NAV2: variants seen among roughly 807,000 people sequenced by gnomAD.
NAV2 encodes neuron navigator 2.
In NAV2, 54 loss-of-function variants were observed where a neutral mutation model predicts 223.2. That is an observed-to-expected ratio of 0.24 (90% CI 0.19 to 0.30). The LOEUF is 0.30. Ranked by LOEUF, NAV2 falls within the 10% of genes least tolerant of loss-of-function variation. The pLI is 1.00. For missense variants in NAV2, 2,806 were observed against 3,147.5 expected, an observed-to-expected ratio of 0.89 and a Z score of 2.60; for synonymous variants, 1,279 against 1,239.3, an observed-to-expected ratio of 1.03 and a Z score of -0.67.
chr11:19,621,376 G>C (rs772818161), intron 1 of NAV2, among the ~76,000 whole-genome samples: 1 of 152,138 alleles, frequency 6.6e-6, no homozygotes, highest in African/African-American at 2.4e-5. Context: ...CTGTGAATCC[G>C]TCTGGTCCTG....
chr11:19,638,101 T>C (rs148275255), intron 1 of NAV2, among the ~76,000 whole-genome samples: 371 of 152,336 alleles, frequency 2.4e-3, no homozygotes, highest in Admixed American at 5.4e-3. Context: ...CCCTCATTTG[T>C]AGAAACTTCT....
intron 1 of NAV2, among the ~76,000 whole-genome samples, chr11:19,772,139 A>G (rs919815678): frequency 3.3e-5 from 5 of 152,210 alleles, no homozygotes; most frequent in African/African-American, 9.6e-5. Context: ...TAATTTTTAT[A>G]CATCTTCTTC....
chr11:19,889,268 C>G (rs1393076882), intron 5 of NAV2, among the ~76,000 whole-genome samples: 2 of 152,108 alleles, frequency 1.3e-5, no homozygotes, highest in Non-Finnish European at 1.5e-5. Flanking sequence ...TGTTTGTGAA[C>G]CAAATTTTGC....
Position 20,045,010 on chromosome 11 carries a change from C to T in NAV2, c.3242C>T (p.Ser1081Phe), listed in dbSNP as rs778921421. The T allele has an allele frequency of 1.9e-6, 3 of 1,613,650 alleles. No homozygotes were observed. The highest frequency in any genetic ancestry group is 1.7e-5 in the Admixed American group (1 of 59,916). ...AAGGTGTCTGAGAAAGGAAGGCTTTCTCCTAAAGCCTCCCAGGTGAAGCGC... is the reference window on the plus strand; with the variant it reads ...AAGGTGTCTGAGAAAGGAAGGCTTTTTCCTAAAGCCTCCCAGGTGAAGCGC... ...DAKVSEKGRL[S>F]PKASQVKRSP... Residue 1081 changes from serine (S) to phenylalanine (F), a missense_variant, in exon 14 of 38, where the codon TCT becomes TTT. Physicochemically the swap from Ser to Phe is radical, Grantham distance 155. Transcript: ENST00000349880.
At chr11:19,911,987 T>C (rs2043353249) in intron 6 of NAV2, among the ~76,000 whole-genome samples, 1 of 152,204 alleles carries the variant, frequency 6.6e-6, no homozygotes, top group South Asian at 2.1e-4. Context: ...TGGTAACATC[T>C]GCAGCCACTC....
chr11:19,521,179 T>TA (rs542667289), intron 1 of NAV2, among the ~76,000 whole-genome samples: 104 of 152,244 alleles, frequency 6.8e-4, no homozygotes, highest in African/African-American at 2.5e-3. Context: ...ACTTGGGTCA[T>TA]TCATAGTGGG....
At chr11:19,360,228 C>T (rs969974303) in intron 1 of NAV2, among the ~76,000 whole-genome samples, 1 of 152,218 alleles carries the variant, frequency 6.6e-6, no homozygotes, top group African/African-American at 2.4e-5. Context: ...AATCTTCCCA[C>T]CCTTGAGACC....
chr11:19,855,663 A>G (rs2061375299), intron 3 of NAV2, among the ~76,000 whole-genome samples: 1 of 152,186 alleles, frequency 6.6e-6, no homozygotes, highest in Non-Finnish European at 1.5e-5. Context: ...CTACTTGTGC[A>G]TGCTTCTAGT....
chr11:19,444,406 T>G (rs1374973446), intron 1 of NAV2, among the ~76,000 whole-genome samples: 2 of 152,210 alleles, frequency 1.3e-5, no homozygotes, highest in African/African-American at 4.8e-5. Flanking sequence ...GAAAGTCATG[T>G]GGCTAAGTTC....
At chr11:19,467,904 T>G (rs1383275944) in intron 1 of NAV2, among the ~76,000 whole-genome samples, 1 of 152,072 alleles carries the variant, frequency 6.6e-6, no homozygotes, top group Non-Finnish European at 1.5e-5. Flanking sequence ...CATGAAGAAA[T>G]GTGCTTCATA....
At chr11:19,746,113 A>G (rs1244330684) in intron 1 of NAV2, among the ~76,000 whole-genome samples, 3 of 152,230 alleles carry the variant, frequency 2.0e-5, no homozygotes, top group African/African-American at 7.2e-5. Context: ...AGCTAGTAAG[A>G]AATAGAATCA....
rs151012818 is a variant in NAV2, at chr11:20,096,833, C to T, written c.6013-744C>T. Among the ~76,000 whole-genome samples, 1,018 of 152,234 alleles carry T rather than the reference C, an allele frequency of 6.7e-3. 17 individuals are homozygous for T. The highest frequency in any genetic ancestry group is 6.2e-3 in the South Asian group (30 of 4,826). On this transcript the variant is annotated intron_variant, in intron 30 of 37. Transcript: ENST00000349880. ...AGACATATGAATGGCTTAGATGGACCGATTCTCCGACCTAGGCCAAAAACT... is the reference window on the plus strand; with the variant it reads ...AGACATATGAATGGCTTAGATGGACTGATTCTCCGACCTAGGCCAAAAACT...
chr11:20,067,999 C>T (rs1050435785), intron 20 of NAV2, among the ~76,000 whole-genome samples, 187 bp from the exon 21 acceptor site: 3 of 152,174 alleles, frequency 2.0e-5, no homozygotes, highest in African/African-American at 4.8e-5. Flanking sequence ...AATCATAAGC[C>T]GTTTGTATTT....
intron 1 of NAV2, among the ~76,000 whole-genome samples, chr11:19,681,019 T>C (rs2048868245): frequency 6.6e-6 from 1 of 152,248 alleles, no homozygotes; most frequent in Non-Finnish European, 1.5e-5. Flanking sequence ...TTACATTAAG[T>C]AATTAATTTA....
intron 1 of NAV2, among the ~76,000 whole-genome samples, chr11:19,635,525 G>T (rs1298247124): frequency 6.6e-6 from 1 of 152,192 alleles, no homozygotes; most frequent in East Asian, 1.9e-4. Context: ...GAAAGTCCAA[G>T]ATTGGGCAGC....
chr11:19,683,444 A>G (rs551821045), intron 1 of NAV2, among the ~76,000 whole-genome samples: 56 of 152,342 alleles, frequency 3.7e-4, no homozygotes, highest in African/African-American at 1.3e-3. Flanking sequence ...ATGGGTCATA[A>G]TTTGGTACAG....
Position 20,114,625 on chromosome 11 carries a change from G to T in NAV2, c.6994G>T (p.Ala2332Ser). ...AAGGCGCGCCCCCTGGGAGGATCCT[G>T]CCAAGTGGGTGATGGACACATATCC... ...YGRRAPWEDP[A>S]KWVMDTYPWA... The change falls in exon 37 of 38, where the codon GCC (alanine) becomes TCC (serine). Residue 2332 changes from alanine (A) to serine (S), a missense_variant. Around this residue, in one of 4 missense-constraint regions of NAV2, gnomAD observed 824 missense variants for 1,069.4 expected, o/e 0.77. Coordinates refer to ENST00000349880, the MANE Select transcript of NAV2 (RefSeq NM_145117.5). 1 of 1,614,174 alleles carries T rather than the reference G, an allele frequency of 6.2e-7. No individual in the cohort carries two copies. The highest frequency in any genetic ancestry group is 8.5e-7 in the Non-Finnish European group (1 of 1,180,042).
At chr11:19,814,663 C>G (rs1262284813) in intron 1 of NAV2, among the ~76,000 whole-genome samples, 1 of 152,036 alleles carries the variant, frequency 6.6e-6, no homozygotes, top group Non-Finnish European at 1.5e-5. Context: ...GTGGATCTCA[C>G]TATGTTGCCC....
intron 1 of NAV2, among the ~76,000 whole-genome samples, chr11:19,534,244 C>T (rs903854171): frequency 3.9e-5 from 6 of 152,126 alleles, no homozygotes; most frequent in Non-Finnish European, 8.8e-5. Context: ...TTGTTTATTG[C>T]TTGTCTCCCC....
Sources: allele counts gnomAD v4.1 joint callset (sites outside exome capture counted in the v4.1 genomes callset), GRCh38; gene constraint gnomAD v4.1.1; regional missense constraint gnomAD v4.1.1; transcripts MANE v1.5; gene names NCBI Gene and HGNC (gene_info 2026-07-23, HGNC 2026-07-21).